The following APC variants were observed in gnomAD, a reference collection of about 807,000 sequenced individuals.
APC encodes the protein adenomatous polyposis coli protein.
A neutral mutation model predicts 247.0 loss-of-function variants in APC; 72 were observed. That is an observed-to-expected ratio of 0.29 (90% confidence interval 0.24 to 0.35). The LOEUF (loss-of-function observed/expected upper bound fraction) is 0.35. Among genes scored for constraint, APC ranks in the 10% least tolerant of loss-of-function variants. APC has a pLI of 1.00. For synonymous variants in APC, 1,254 were observed against 1,162.5 expected (o/e 1.08, Z -1.60); for missense variants, 3,400 against 3,360.7 (o/e 1.01, Z -0.29).
intron 8 of APC, among the ~76,000 whole-genome samples, chr5:112,805,243 A>G (rs1761254427): frequency 6.6e-6 from 1 of 152,174 alleles, no homozygotes; most frequent in African/African-American, 2.4e-5. Context: ...TTTTGGGAAA[A>G]TAGAAGAAAG....
In APC at chr5:112,842,087, C is replaced by A. The variant is rs775501375; in HGVS notation, c.6493C>A (p.Pro2165Thr). The A allele has an allele frequency of 6.2e-6, 10 of 1,610,416 alleles. No homozygotes were observed. The highest frequency in any genetic ancestry group is 8.5e-6 in the Non-Finnish European group (10 of 1,177,070). The change falls in exon 16 of 16, where the codon CCA becomes ACA. Residue 2165 changes from proline (P) to threonine (T), a missense_variant. By Grantham distance (38) the Pro-to-Thr change is conservative. This residue lies in a region of APC where 1,788 missense variants were observed against 1,649.5 expected (regional missense o/e 1.08). Coordinates refer to ENST00000257430, the MANE Select transcript of APC (RefSeq NM_000038.6). ...EEKPFTSNKG[P>T]RILKPGEKST... Reference sequence around the variant, plus strand: ...AAAACCCTTTACAAGTAATAAAGGCCCACGAATTCTAAAACCAGGGGAGAA... The same window carrying A: ...AAAACCCTTTACAAGTAATAAAGGCACACGAATTCTAAAACCAGGGGAGAA...
At chr5:112,751,137 A>G (rs1485239694) in intron 1 of APC, among the ~76,000 whole-genome samples, 2 of 152,110 alleles carry the variant, frequency 1.3e-5, no homozygotes, top group Non-Finnish European at 2.9e-5. Flanking sequence ...AGAGTTGGAA[A>G]AATAGTACAG....
At chr5:112,825,517 T>C (rs1763557109) in intron 11 of APC, among the ~76,000 whole-genome samples, 1 of 152,166 alleles carries the variant, frequency 6.6e-6, no homozygotes, top group Admixed American at 6.5e-5. Flanking sequence ...TTCCTTTGCT[T>C]AGAACGCATC....
Position 112,818,060 on chromosome 5 carries a change from T to C in APC, c.934-906T>C, listed in dbSNP as rs78751466. On this transcript the variant is annotated intron_variant, in intron 9 of 15. Coordinates refer to ENST00000257430, the MANE Select transcript of APC (RefSeq NM_000038.6). ...AGTAACGTCCCTGGTCTCTCCCCAC[T>C]AGATTCCCCTAAAATACCCATCCTA... Among the ~76,000 whole-genome samples the C allele has an allele frequency of 0.057, 8,657 of 152,256 alleles. 467 individuals carry two copies. The highest frequency in any genetic ancestry group is 0.15 in the East Asian group (801 of 5,176).
At chr5:112,751,891 T>A (rs897317893) in intron 1 of APC, among the ~76,000 whole-genome samples, 3 of 152,046 alleles carry the variant, frequency 2.0e-5, no homozygotes, top group African/African-American at 4.8e-5. Context: ...TAGATCATGT[T>A]AAAGAAATGT....
intron 1 of APC, among the ~76,000 whole-genome samples, chr5:112,712,868 A>G (rs1750937590): frequency 6.6e-6 from 1 of 152,128 alleles, no homozygotes; most frequent in Non-Finnish European, 1.5e-5. Context: ...CCCAGTTAAC[A>G]TTGATTTAAA....
At chr5:112,736,070 A>T (rs774893119), upstream of APC, among the ~76,000 whole-genome samples, 21 of 152,192 alleles carry the variant, frequency 1.4e-4, no homozygotes, top group Middle Eastern at 3.2e-3. Context: ...TCCTTCTGGA[A>T]GTTCTAGGCC....
chr5:112,738,302 G>A, intron 1 of APC: 1 of 985,482 alleles, frequency 1.0e-6, no homozygotes, highest in South Asian at 4.7e-5. Flanking sequence ...TCATGGCGAG[G>A]AGCAAAAGCT....
intron 7 of APC, among the ~76,000 whole-genome samples, chr5:112,800,385 A>G (rs946602751): frequency 6.6e-6 from 1 of 152,224 alleles, no homozygotes; most frequent in Non-Finnish European, 1.5e-5. Context: ...TTTTGCCAGC[A>G]TATAACTGAT....
chr5:112,835,111 G>C lies in APC; in HGVS notation c.1904G>C (p.Gly635Ala), dbSNP rs730881239. 33 of 1,614,038 alleles carry C rather than the reference G, an allele frequency of 2.0e-5. No homozygotes were observed. The highest frequency in any genetic ancestry group is 2.2e-5 in the Non-Finnish European group (26 of 1,180,014). The change falls in exon 15 of 16, where the codon GGA (glycine) becomes GCA (alanine). Residue 635 changes from glycine to alanine, a missense_variant. By Grantham distance (60) the Gly-to-Ala change is moderately conservative (BLOSUM62 0). Transcript: ENST00000257430. ...QTNTLAIIES[G>A]GGILRNVSSL... ...AACACTTTAGCCATTATTGAAAGTG[G>C]AGGTGGGATATTACGGAATGTGTCC...
At chr5:112,828,454 AT>A (rs1236932335) in intron 13 of APC, among the ~76,000 whole-genome samples, 9 of 96,312 alleles carry the variant, frequency 9.3e-5, no homozygotes, top group Admixed American at 1.3e-4. Context: ...TTTAGGAGGA[AT>A]TTAAAAAAAA....
chr5:112,783,930 A>G (rs1455509983), intron 6 of APC: 1 of 205,186 alleles, frequency 4.9e-6, no homozygotes, highest in Non-Finnish European at 1.0e-5. Context: ...ACTACACATC[A>G]GGGAAATGTA....
At chr5:112,738,471 G>A in intron 1 of APC, 1 of 985,898 alleles carries the variant, frequency 1.0e-6, no homozygotes, top group Non-Finnish European at 1.2e-6. Flanking sequence ...GTACTGCAGA[G>A]CGTGAGTGGT....
At position 112,838,760 on chromosome 5, in the gene APC, A is replaced by G. The variant is rs770526770; in HGVS notation, c.3166A>G (p.Ile1056Val). The G allele has an allele frequency of 1.9e-6, 3 of 1,614,170 alleles. No homozygotes were observed. The highest frequency in any genetic ancestry group is 1.1e-5 in the South Asian group (1 of 91,076). ...NERWARPKHI[I>V]EDEIKQSEQR... ...AAGATGGGCAAGACCCAAACACATA[A>G]TAGAAGATGAAATAAAACAAAGTGA... The change falls in exon 16 of 16, where the codon ATA becomes GTA. Residue 1056 changes from isoleucine to valine, a missense_variant. Physicochemically the swap from Ile to Val is conservative, Grantham distance 29. Coordinates refer to ENST00000257430, the MANE Select transcript of APC (RefSeq NM_000038.6).
chr5:112,783,078 G>C (rs1300191638), intron 6 of APC, among the ~76,000 whole-genome samples: 1 of 152,110 alleles, frequency 6.6e-6, no homozygotes, highest in Non-Finnish European at 1.5e-5. Context: ...TAGTTTTTCT[G>C]TGTCTGTTAA....
intron 1 of APC, among the ~76,000 whole-genome samples, chr5:112,727,536 C>A (rs777276896): frequency 1.3e-5 from 2 of 152,076 alleles, no homozygotes; most frequent in Admixed American, 1.3e-4. Context: ...TTTTTAACAT[C>A]AGTATTGAGA....
intron 5 of APC, among the ~76,000 whole-genome samples, chr5:112,780,193 C>G (rs1276598010): frequency 1.3e-5 from 2 of 152,086 alleles, no homozygotes; most frequent in African/African-American, 2.4e-5. Context: ...CTTTTTGTTT[C>G]AACTTTGCTT....
rs1064795210 is a variant in APC at position 112,842,079 on chromosome 5, A to G, written c.6485A>G (p.Asn2162Ser). The change falls in exon 16 of 16, where the codon AAT (asparagine) becomes AGT (serine). Residue 2162 changes from asparagine to serine, a missense_variant. By Grantham distance (46) the Asn-to-Ser change is conservative. This residue lies in a region of APC where 1,788 missense variants were observed against 1,649.5 expected (regional missense o/e 1.08). Coordinates refer to ENST00000257430, the MANE Select transcript of APC (RefSeq NM_000038.6). ...CAAGAAGAAAAACCCTTTACAAGTA[A>G]TAAAGGCCCACGAATTCTAAAACCA... is the stretch of plus-strand genomic sequence containing the variant. ...PDQEEKPFTS[N>S]KGPRILKPGE... The G allele has an allele frequency of 2.5e-6, 4 of 1,610,722 alleles. No homozygotes were observed. The highest frequency in any genetic ancestry group is 3.4e-6 in the Non-Finnish European group (4 of 1,176,966).
rs468179 is a variant in APC, at chr5:112,731,445, C to T, written c.165+23563C>T. 0.28 allele frequency among the ~76,000 whole-genome samples: 43,061 copies of T among 152,028 alleles called. 7,257 individuals carry two copies. The highest frequency in any genetic ancestry group is 0.37 in the Non-Finnish European group (24,926 of 67,954). On this transcript the variant is annotated intron_variant, in intron 1 of 13. Transcript: ENST00000507379. Reference sequence around the variant, plus strand: ...AGGTGGAAGGAGGAAGGACAGGAGACGGCCAGAGCAAGCAAGGGATCAAAT... The same window carrying T: ...AGGTGGAAGGAGGAAGGACAGGAGATGGCCAGAGCAAGCAAGGGATCAAAT...
Sources: allele counts gnomAD v4.1 joint callset (sites outside exome capture counted in the v4.1 genomes callset), GRCh38; gene constraint gnomAD v4.1.1; regional missense constraint gnomAD v4.1.1; transcripts MANE v1.5; gene names NCBI Gene and HGNC (gene_info 2026-07-23, HGNC 2026-07-21).